The following SH3GL3 variants were observed in gnomAD, a reference collection of about 807,000 sequenced individuals.
SH3GL3 encodes SH3 domain containing GRB2 like 3, endophilin A3, also known as endophilin-A3.
In SH3GL3, 33 loss-of-function variants were observed where a neutral mutation model predicts 47.7. The observed-to-expected ratio is 0.69, with a 90% confidence interval of 0.52 to 0.92. The LOEUF (loss-of-function observed/expected upper bound fraction) is 0.92, where lower values mean the gene tolerates loss of function less well. Among genes scored for constraint, SH3GL3 ranks in the 40% least tolerant of loss-of-function variants. The probability of loss-of-function intolerance (pLI) is 0.00; values close to 1 mark genes in which losing one functional copy is unlikely to be tolerated. For missense variants in SH3GL3, 363 were observed against 417.8 expected (o/e 0.87, Z 1.14); for synonymous variants, 155 against 148.8 (o/e 1.04, Z -0.30).
At chr15:83,517,648 A>G (rs972871856) in intron 1 of SH3GL3, among the ~76,000 whole-genome samples, 5 of 151,910 alleles carry the variant, frequency 3.3e-5, no homozygotes, top group Non-Finnish European at 5.9e-5. Context: ...CAGTCTTCTT[A>G]TTGATTTGTA....
chr15:83,536,563 C>T (rs1005039590), intron 1 of SH3GL3, among the ~76,000 whole-genome samples: 11 of 151,838 alleles, frequency 7.2e-5, no homozygotes, highest in East Asian at 5.8e-4. Context: ...CCACCATGCC[C>T]GGCTAATTTT....
At chr15:83,620,821 C>T (rs373514774), downstream of SH3GL3, among the ~76,000 whole-genome samples, 1 of 152,212 alleles carries the variant, frequency 6.6e-6, no homozygotes, top group African/African-American at 2.4e-5. Flanking sequence ...ACTTCTCTAA[C>T]TAGGAAAGTC....
the SH3GL3 span, among the ~76,000 whole-genome samples, chr15:83,632,321 T>C: frequency 6.6e-6 from 1 of 152,234 alleles, no homozygotes; most frequent in South Asian, 2.1e-4. Context: ...TTTTTTGGTA[T>C]TGTAAGTTGG....
intron 1 of SH3GL3, among the ~76,000 whole-genome samples, chr15:83,546,727 G>T (rs1277783996): frequency 6.6e-6 from 1 of 150,716 alleles, no homozygotes; most frequent in African/African-American, 2.4e-5. Flanking sequence ...AGGCCCAGGG[G>T]TGTTTATTCA....
intron 1 of SH3GL3, among the ~76,000 whole-genome samples, chr15:83,494,606 C>T (rs1475859466): frequency 1.3e-5 from 2 of 149,888 alleles, no homozygotes; most frequent in African/African-American, 4.9e-5. Flanking sequence ...GCAATGGTGT[C>T]ATCTTGGCTC....
rs746664083 is a variant in SH3GL3, at chr15:83,566,914, C to G, written c.188-1615C>G. Among the ~76,000 whole-genome samples the G allele has an allele frequency of 3.7e-4, 57 of 152,122 alleles. 1 individual carries two copies. The highest frequency in any genetic ancestry group is 7.4e-4 in the Non-Finnish European group (50 of 68,012). ...CTCAACCCAGACCGATGGAATCACTCTACATTTTAACAAGATCCTTGGGTT... is the reference window on the plus strand; with the variant it reads ...CTCAACCCAGACCGATGGAATCACTGTACATTTTAACAAGATCCTTGGGTT... On this transcript the variant is annotated intron_variant, in intron 3 of 8. Coordinates refer to ENST00000427482, the MANE Select transcript of SH3GL3 (RefSeq NM_003027.5).
At chr15:83,458,805 T>A (rs994711073) in intron 1 of SH3GL3, among the ~76,000 whole-genome samples, 2 of 152,210 alleles carry the variant, frequency 1.3e-5, no homozygotes, top group Non-Finnish European at 2.9e-5. Flanking sequence ...CTCTCCTGGA[T>A]AAATTTCACT....
At chr15:83,542,885 A>G (rs1365174875) in intron 1 of SH3GL3, among the ~76,000 whole-genome samples, 3 of 152,118 alleles carry the variant, frequency 2.0e-5, no homozygotes, top group Non-Finnish European at 4.4e-5. Flanking sequence ...AGATTTTTCC[A>G]AATATAAGAT....
intron 1 of SH3GL3, among the ~76,000 whole-genome samples, chr15:83,487,138 C>T (rs2041634681): frequency 6.6e-6 from 1 of 151,854 alleles, no homozygotes; most frequent in South Asian, 2.1e-4. Flanking sequence ...GGTATATACC[C>T]TGAGTGGAAT....
intron 6 of SH3GL3, 64 bp downstream of exon 6, chr15:83,576,805 TGA>T: frequency 8.4e-7 from 1 of 1,188,880 alleles, no homozygotes; most frequent in Non-Finnish European, 1.2e-6. Context: ...TATATGACTA[TGA>T]TCGGCATGTT....
chr15:83,622,323 T>G (rs2141314300), downstream of SH3GL3, among the ~76,000 whole-genome samples: 1 of 152,330 alleles, frequency 6.6e-6, no homozygotes. Context: ...TCTGTTCATG[T>G]ATATTCACAA....
At chr15:83,622,348 A>G (rs2060917419), downstream of SH3GL3, among the ~76,000 whole-genome samples, 1 of 152,096 alleles carries the variant, frequency 6.6e-6, no homozygotes, top group Admixed American at 6.6e-5. Flanking sequence ...GCCCTTTTCC[A>G]TCCTCCATCA....
intron 1 of SH3GL3, among the ~76,000 whole-genome samples, chr15:83,521,499 C>T (rs1039383395): frequency 5.3e-5 from 8 of 152,112 alleles, no homozygotes; most frequent in Admixed American, 4.6e-4. Flanking sequence ...GATACCACAG[C>T]GCTCCTGCTT....
Position 83,618,192 on chromosome 15 carries a change from C to G in SH3GL3, c.949C>G (p.Gln317Glu), listed in dbSNP as rs371368722. 7.5e-6 allele frequency: 12 copies of G among 1,608,978 alleles called. No homozygotes were observed. Among genetic ancestry groups the G allele is most frequent in the Non-Finnish European group, 9.4e-6 (11 of 1,175,268 alleles). Residue 317 changes from glutamine to glutamate, a missense_variant, in exon 9 of 9, where the codon CAA (glutamine) becomes GAA (glutamate). Transcript: ENST00000427482. ...AGGGGACATCATTACATTAACCAAT[C>G]AAATAGATGAAAACTGGTATGAAGG... The part of the protein sequence containing the change: ...KEGDIITLTN[Q>E]IDENWYEGMI...
intron 8 of SH3GL3, among the ~76,000 whole-genome samples, chr15:83,606,803 G>T (rs760443608): frequency 1.2e-4 from 18 of 152,148 alleles, no homozygotes; most frequent in Non-Finnish European, 1.2e-4. Context: ...TACATTCCAA[G>T]GTACTTTCTA....
At chr15:83,631,963 G>C in the SH3GL3 span, among the ~76,000 whole-genome samples, 1 of 152,118 alleles carries the variant, frequency 6.6e-6, no homozygotes, top group African/African-American at 2.4e-5. Context: ...TTTATGCTCT[G>C]CTTCCTCTTG....
intron 1 of SH3GL3, among the ~76,000 whole-genome samples, chr15:83,469,931 G>A (rs1483100479): frequency 6.6e-6 from 1 of 152,096 alleles, no homozygotes; most frequent in Non-Finnish European, 1.5e-5. Flanking sequence ...TATAATTATG[G>A]ATTTGTCTCC....
At chr15:83,474,101 C>G (rs2040981746) in intron 1 of SH3GL3, among the ~76,000 whole-genome samples, 1 of 151,990 alleles carries the variant, frequency 6.6e-6, no homozygotes, top group African/African-American at 2.4e-5. Flanking sequence ...GTATATCTAC[C>G]CCATCATCCC....
chr15:83,502,348 T>C (rs1232127024), intron 1 of SH3GL3, among the ~76,000 whole-genome samples: 1 of 152,220 alleles, frequency 6.6e-6, no homozygotes, highest in Non-Finnish European at 1.5e-5. Context: ...ATGTTTGGTG[T>C]AATGGTGAGT....
Sources: allele counts gnomAD v4.1 joint callset (sites outside exome capture counted in the v4.1 genomes callset), GRCh38; gene constraint gnomAD v4.1.1; transcripts MANE v1.5; gene names NCBI Gene and HGNC (gene_info 2026-07-23, HGNC 2026-07-21).